Variants in CFAP91 observed in about 807,000 individuals in gnomAD.
CFAP91 encodes cilia- and flagella-associated protein 91.
Under a neutral mutation model 95.9 loss-of-function variants are expected in CFAP91, and 85 were observed. The observed-to-expected ratio is 0.89, with a 90% confidence interval of 0.74 to 1.06. The LOEUF is 1.06. CFAP91 is among the 50% of genes least tolerant of loss of function. The probability of loss-of-function intolerance (pLI) is 0.00; values close to 1 mark genes in which losing one functional copy is unlikely to be tolerated. For missense variants in CFAP91, 962 were observed against 943.4 expected, an observed-to-expected ratio of 1.02 and a Z score of -0.26; for synonymous variants, 335 against 327.5, an observed-to-expected ratio of 1.02 and a Z score of -0.25.
intron 17 of CFAP91, among the ~76,000 whole-genome samples, chr3:119,751,343 T>C (rs1258556241): frequency 6.6e-6 from 1 of 152,244 alleles, no homozygotes; most frequent in Non-Finnish European, 1.5e-5. Flanking sequence ...AAATTATTTT[T>C]ATGGGTTCTT....
intron 5 of CFAP91, 140 bp downstream of exon 5, chr3:119,710,035 T>A: frequency 1.5e-6 from 1 of 666,030 alleles, no homozygotes; most frequent in Non-Finnish European, 2.6e-6. Context: ...AATCTTCTAG[T>A]GTGTCATGAG....
chr3:119,734,420 A>G (rs764487016), intron 10 of CFAP91, among the ~76,000 whole-genome samples: 1 of 151,768 alleles, frequency 6.6e-6, no homozygotes, highest in South Asian at 2.1e-4. Context: ...TCATTCTGTC[A>G]CTTTCTGTTA....
Position 119,703,112 on chromosome 3 carries a change from T to G in CFAP91, c.14T>G (p.Val5Gly), listed in dbSNP as rs2053286292. Residue 5 changes from valine to glycine, a missense_variant, in exon 1 of 18, where the codon GTA becomes GGA. By Grantham distance (109) the Val-to-Gly change is moderately radical. Coordinates refer to ENST00000273390, the MANE Select transcript of CFAP91 (RefSeq NM_033364.4). MSHA[V>G]TIEEPQAQPQ... ...AGAGGCGGCACCATGAGCCACGCAGTAACCATCGAGGAGCCCCAGGCCCAG... is the reference window on the plus strand; with the variant it reads ...AGAGGCGGCACCATGAGCCACGCAGGAACCATCGAGGAGCCCCAGGCCCAG... 6.4e-7 allele frequency: 1 copy of G among 1,559,550 alleles called. No individual in the cohort carries two copies. Among genetic ancestry groups the G allele is most frequent in the Non-Finnish European group, 8.7e-7 (1 of 1,151,438 alleles).
intron 17 of CFAP91, among the ~76,000 whole-genome samples, chr3:119,757,425 G>T (rs559049437): frequency 6.6e-6 from 1 of 152,180 alleles, no homozygotes; most frequent in African/African-American, 2.4e-5. Flanking sequence ...AGGTGGACCA[G>T]TTCAGCTCAG....
Position 119,703,232 on chromosome 3 carries a change from GC to G in CFAP91, c.124+12del. The G allele has an allele frequency of 6.2e-7, 1 of 1,610,890 alleles. No individual in the cohort carries two copies. Among genetic ancestry groups the G allele is most frequent in the Non-Finnish European group, 8.5e-7 (1 of 1,178,570 alleles). ...TATGATTTTCTGTACGGTAAGGACC[GC>G]CGCAGACCTTCCTCCGCGTCCGTCG... On this transcript the variant is annotated intron_variant, in intron 1 of 17. Coordinates refer to ENST00000273390, the MANE Select transcript of CFAP91 (RefSeq NM_033364.4).
intron 6 of CFAP91, among the ~76,000 whole-genome samples, chr3:119,724,602 A>G (rs1038899195): frequency 6.6e-6 from 1 of 152,192 alleles, no homozygotes; most frequent in Non-Finnish European, 1.5e-5. Flanking sequence ...TTATACATCT[A>G]TAAAAGTAAA....
intron 1 of CFAP91, among the ~76,000 whole-genome samples, chr3:119,705,248 T>C (rs987878971): frequency 6.6e-6 from 1 of 152,234 alleles, no homozygotes; most frequent in South Asian, 2.1e-4. Context: ...AAATTTAAGA[T>C]TGGTTGTTGG....
chr3:119,708,453 A>G (rs1428508820), intron 3 of CFAP91, 138 bp from the exon 4 acceptor site: 5 of 613,274 alleles, frequency 8.2e-6, no homozygotes, highest in Non-Finnish European at 1.4e-5. Context: ...TATGGCAGTC[A>G]AATGCAGGTT....
chr3:119,742,656 G>A (rs778408364), intron 13 of CFAP91, among the ~76,000 whole-genome samples: 3 of 152,232 alleles, frequency 2.0e-5, no homozygotes, highest in Non-Finnish European at 2.9e-5. Flanking sequence ...AATGGAAGGA[G>A]TAGTGAGATG....
At chr3:119,753,966 T>TA (rs1001206988) in intron 17 of CFAP91, among the ~76,000 whole-genome samples, 8 of 152,244 alleles carry the variant, frequency 5.3e-5, no homozygotes, top group Non-Finnish European at 1.2e-4. Flanking sequence ...CCATCTAGTC[T>TA]ATGGTGTTTG....
intron 5 of CFAP91, chr3:119,713,406 C>G (rs1301190022): frequency 1.3e-5 from 2 of 149,544 alleles, no homozygotes; most frequent in African/African-American, 4.9e-5. Context: ...GCATAAGCCA[C>G]TGTACCTCGC....
chr3:119,719,987 C>A (rs571981609), intron 6 of CFAP91, among the ~76,000 whole-genome samples: 1 of 151,996 alleles, frequency 6.6e-6, no homozygotes, highest in Non-Finnish European at 1.5e-5. Context: ...CCTGTAATCC[C>A]AGCTACTCAG....
chr3:119,717,546 G>A (rs1299213606), intron 6 of CFAP91, among the ~76,000 whole-genome samples: 6 of 70,296 alleles, frequency 8.5e-5, no homozygotes, highest in East Asian at 5.9e-4. Flanking sequence ...AGTAAAATAC[G>A]TTGGTTTTTT....
intron 10 of CFAP91, among the ~76,000 whole-genome samples, chr3:119,735,203 A>G (rs1188520131): frequency 1.3e-5 from 2 of 152,098 alleles, no homozygotes; most frequent in Non-Finnish European, 2.9e-5. Flanking sequence ...CCAAACAATG[A>G]ACTTTTGATT....
chr3:119,720,290 G>A (rs998497754), intron 6 of CFAP91, among the ~76,000 whole-genome samples: 23 of 151,028 alleles, frequency 1.5e-4, no homozygotes, highest in Non-Finnish European at 2.8e-4. Context: ...CCAGCTACTC[G>A]GGAGGCTGAG....
intron 4 of CFAP91, among the ~76,000 whole-genome samples, chr3:119,709,127 A>G (rs1258153942): frequency 6.6e-6 from 1 of 152,236 alleles, no homozygotes; most frequent in Non-Finnish European, 1.5e-5. Flanking sequence ...CTAAACCAAC[A>G]AGGCCAAAAG....
intron 1 of CFAP91, 24 bp downstream of exon 1, chr3:119,703,246 T>C: frequency 6.2e-7 from 1 of 1,608,972 alleles, no homozygotes; most frequent in Non-Finnish European, 8.5e-7. Context: ...CAGACCTTCC[T>C]CCGCGTCCGT....
chr3:119,744,411 C>T (rs1045042326), intron 14 of CFAP91, among the ~76,000 whole-genome samples: 2 of 152,132 alleles, frequency 1.3e-5, no homozygotes, highest in African/African-American at 2.4e-5. Context: ...ATAATACGCA[C>T]GTGTATAGAA....
At chr3:119,707,300 T>C in intron 2 of CFAP91, 104 bp from the exon 3 acceptor site, 3 of 874,088 alleles carry the variant, frequency 3.4e-6, no homozygotes, top group Non-Finnish European at 5.2e-6. Flanking sequence ...TTATGCTGTA[T>C]ACATTGTTTT....
Sources: allele counts gnomAD v4.1 joint callset (sites outside exome capture counted in the v4.1 genomes callset), GRCh38; gene constraint gnomAD v4.1.1; transcripts MANE v1.5; gene names NCBI Gene and HGNC (gene_info 2026-07-23, HGNC 2026-07-21).